Variants in ZNF559 observed in about 807,000 individuals in gnomAD.
ZNF559 encodes the protein zinc finger protein 559, also known as putative protein product of Nbla00121.
In ZNF559, 17 loss-of-function variants were observed where a neutral mutation model predicts 14.2. The ratio of observed to expected loss-of-function variants is 1.20; its 90% CI spans 0.82 to 1.80. The LOEUF is 1.80. Ranked by LOEUF, ZNF559 falls within the 40% of genes most tolerant of loss-of-function variation. ZNF559 has a pLI of 0.00. For synonymous variants in ZNF559, 244 were observed against 212.4 expected (o/e 1.15, Z -1.29); for missense variants, 740 against 629.7 (o/e 1.18, Z -1.88).
Position 9,342,653 on chromosome 19 carries a change from A to C in ZNF559, c.1202A>C (p.Gln401Pro). The change falls in exon 7 of 7, where the codon CAG becomes CCG. Residue 401 changes from glutamine to proline, a missense_variant. Physicochemically the swap from Gln to Pro is moderately conservative, Grantham distance 76 (BLOSUM62 -1). Transcript: ENST00000603380. ...TCCTCTTCCTTTAAAAGTCACATGC[A>C]GACTCATCCTGGTGTAAAACCCTAT... ...INSSSFKSHM[Q>P]THPGVKPYDC... 1.2e-6 allele frequency: 2 copies of C among 1,614,090 alleles called. No individual in the cohort carries two copies. The highest frequency in any genetic ancestry group is 1.7e-6 in the Non-Finnish European group (2 of 1,179,996).
intron 2 of ZNF559, among the ~76,000 whole-genome samples, chr19:9,331,564 A>G (rs2066937251): frequency 6.6e-6 from 1 of 152,184 alleles, no homozygotes; most frequent in South Asian, 2.1e-4. Context: ...GGCATTATAT[A>G]ATAATAAAGA....
At position 9,324,692 on chromosome 19, in the gene ZNF559, A is replaced by G. The variant is rs1424925363; in HGVS notation, c.-205-3A>G. The G allele has an allele frequency of 6.5e-7, 1 of 1,530,132 alleles. No homozygotes were observed. Among genetic ancestry groups the G allele is most frequent in the Admixed American group, 2.0e-5 (1 of 50,634 alleles). The allele number at this position is 1,530,132 out of a possible 1,614,324, so 94.8% of individuals were successfully genotyped here. ...ATCCAGCGTTGTGCCTTTTCTCTATAAGGAACAGCATCTCTGCCTTCCTGT... is the reference window on the plus strand; with the variant it reads ...ATCCAGCGTTGTGCCTTTTCTCTATGAGGAACAGCATCTCTGCCTTCCTGT... On this transcript the variant is annotated splice_region_variant and splice_polypyrimidine_tract_variant and intron_variant, in intron 1 of 6. Transcript: ENST00000603380.
At chr19:9,338,171 G>A (rs2067344829) in intron 3 of ZNF559, among the ~76,000 whole-genome samples, 1 of 152,222 alleles carries the variant, frequency 6.6e-6, no homozygotes, top group Non-Finnish European at 1.5e-5. Context: ...TAAATCCTGG[G>A]ATTTGGGAAG....
intron 2 of ZNF559, 54 bp downstream of exon 2, chr19:9,324,834 G>A: frequency 6.8e-7 from 1 of 1,464,050 alleles, no homozygotes; most frequent in Non-Finnish European, 9.2e-7. Context: ...TGAAGTTTAA[G>A]TTGTGTCGAG....
chr19:9,338,030 T>C, intron 3 of ZNF559, 172 bp downstream of exon 3: 2 of 1,534,430 alleles, frequency 1.3e-6, no homozygotes, highest in African/African-American at 1.4e-5. Context: ...AAGTCCGTAT[T>C]GATGGTCCTT....
chr19:9,323,790 A>C (rs752741228), upstream of ZNF559: 2 of 205,018 alleles, frequency 9.8e-6, no homozygotes, highest in Admixed American at 1.1e-4. Flanking sequence ...GGAGGTGAGC[A>C]TGAAGTGGCC....
intron 5 of ZNF559, 89 bp downstream of exon 5, chr19:9,339,408 G>C: frequency 7.0e-7 from 1 of 1,428,898 alleles, no homozygotes; most frequent in East Asian, 2.4e-5. Context: ...TTGTTAATGG[G>C]CTGCATTGGT....
intron 3 of ZNF559, among the ~76,000 whole-genome samples, chr19:9,338,178 G>C (rs2067345000): frequency 6.6e-6 from 1 of 152,202 alleles, no homozygotes; most frequent in African/African-American, 2.4e-5. Flanking sequence ...TGGGATTTGG[G>C]AAGGAGGAGT....
intron 2 of ZNF559, among the ~76,000 whole-genome samples, chr19:9,331,933 AT>A (rs1338626777): frequency 6.6e-6 from 1 of 152,148 alleles, no homozygotes; most frequent in Admixed American, 6.5e-5. Flanking sequence ...TAACTGAGTT[AT>A]TTTTGTGTCA....
At chr19:9,327,717 T>C (rs182701074) in intron 2 of ZNF559, among the ~76,000 whole-genome samples, 3 of 150,684 alleles carry the variant, frequency 2.0e-5, no homozygotes, top group East Asian at 3.9e-4. Context: ...CTCTATACTT[T>C]TTTTCTTTTT....
chr19:9,331,147 C>T (rs975908177), intron 2 of ZNF559, among the ~76,000 whole-genome samples: 3 of 152,156 alleles, frequency 2.0e-5, no homozygotes, highest in Non-Finnish European at 2.9e-5. Context: ...ATGATCAGCA[C>T]CTTAGTATGA....
intron 2 of ZNF559, among the ~76,000 whole-genome samples, chr19:9,332,116 G>T (rs374456094): frequency 6.6e-5 from 10 of 151,336 alleles, no homozygotes; most frequent in South Asian, 2.2e-4. Flanking sequence ...TTTTGTAGAT[G>T]CCCTTTATTA....
Position 9,342,945 on chromosome 19 carries a change from T to C in ZNF559, c.1494T>C (p.Cys498=). ...TGERPFECQE[C]GKAFTRSTYL... ...AACGGCCCTTTGAATGTCAGGAATG[T>C]GGGAAAGCCTTTACTCGGTCCACAT... The change falls in exon 7 of 7, where the codon TGT becomes TGC. Residue 498 remains cysteine, a synonymous_variant. Coordinates refer to ENST00000603380, the MANE Select transcript of ZNF559 (RefSeq NM_032497.3). 1 of 1,614,240 alleles carries C rather than the reference T, an allele frequency of 6.2e-7. No individual in the cohort carries two copies.
chr19:9,329,536 A>ATTCT (rs1206757489), intron 2 of ZNF559, among the ~76,000 whole-genome samples: 62 of 152,250 alleles, frequency 4.1e-4, no homozygotes, highest in Non-Finnish European at 1.0e-4. Flanking sequence ...ATTTTGTGTG[A>ATTCT]TGTAAGAATA....
At chr19:9,339,172 A>AGC in intron 4 of ZNF559, 21 bp from the exon 5 acceptor site, 1 of 1,613,070 alleles carries the variant, frequency 6.2e-7, no homozygotes, top group Non-Finnish European at 8.5e-7. Flanking sequence ...GCCTGACGCC[A>AGC]GCATGTGTGT....
At chr19:9,327,461 C>G (rs1261495412) in intron 2 of ZNF559, among the ~76,000 whole-genome samples, 1 of 152,124 alleles carries the variant, frequency 6.6e-6, no homozygotes, top group African/African-American at 2.4e-5. Flanking sequence ...GTTGGTCAGG[C>G]TGGTCTCGAA....
At chr19:9,328,745 G>A (rs2066775636) in intron 2 of ZNF559, among the ~76,000 whole-genome samples, 1 of 152,114 alleles carries the variant, frequency 6.6e-6, no homozygotes, top group South Asian at 2.1e-4. Context: ...TCCGTATCTG[G>A]GTGCAAACAA....
At chr19:9,324,154 G>GTGCGCGGCGTGTCTGCGTGGGCGCA (rs1446375137), upstream of ZNF559, 82 of 1,535,866 alleles carry the variant, frequency 5.3e-5, no homozygotes, top group Non-Finnish European at 6.6e-5. Flanking sequence ...GCCTTTGCGC[G>GTGCGCGGCGTGTCTGCGTGGGCGCA]TGCGCGGCGT....
chr19:9,343,506 T>C lies in ZNF559; in HGVS notation c.*438T>C. ...TGTGTTGAAACCTTTCACTCTGCCT[T>C]ATACCTTAATATTCAGCTGTGATCT... On this transcript the variant is annotated 3_prime_UTR_variant, in exon 7 of 7. Transcript: ENST00000603380. The C allele has an allele frequency of 9.9e-7, 1 of 1,005,406 alleles. No individual in the cohort carries two copies. Among genetic ancestry groups the C allele is most frequent in the Non-Finnish European group, 1.2e-6 (1 of 840,174 alleles). 62.3% of individuals were successfully genotyped at this position (1,005,406 alleles called of 1,614,324 possible).
Sources: gnomAD v4.1 joint callset for allele counts (sites outside exome capture counted in the v4.1 genomes callset) on GRCh38, gnomAD v4.1.1 for gene constraint, MANE v1.5 for transcripts, NCBI Gene and HGNC (gene_info 2026-07-23, HGNC 2026-07-21) for gene names.